ZFHX4: variants seen among roughly 807,000 people sequenced by gnomAD.
ZFHX4 encodes zinc finger homeobox 4.
ZFHX4 carries 56 observed loss-of-function variants against 267.6 expected under a neutral mutation model. The ratio of observed to expected loss-of-function variants is 0.21; its 90% CI spans 0.17 to 0.26. The LOEUF is 0.26. Among genes scored for constraint, ZFHX4 ranks in the 10% least tolerant of loss-of-function variants. ZFHX4 has a pLI of 1.00. For missense variants in ZFHX4, 4,332 were observed against 4,420.0 expected, an observed-to-expected ratio of 0.98 and a Z score of 0.56; for synonymous variants, 1,778 against 1,665.6, an observed-to-expected ratio of 1.07 and a Z score of -1.64.
intron 3 of ZFHX4, 64 bp from the exon 4 acceptor site, chr8:76,778,144 C>G (rs12679822): frequency 0.2 from 214,395 of 1,074,370 alleles, 27,413 homozygotes; most frequent in African/African-American, 0.54. Flanking sequence ...GGGTGGGTGT[C>G]ACCTGTTTTG....
At chr8:76,792,303 A>C (rs902391039) in intron 4 of ZFHX4, among the ~76,000 whole-genome samples, 2 of 152,136 alleles carry the variant, frequency 1.3e-5, no homozygotes, top group Non-Finnish European at 2.9e-5. Context: ...ATTTGTGCAA[A>C]CAAACTTTAC....
rs771069673 is a variant in ZFHX4, at chr8:76,760,928, CA to C, written c.3094-17258del. On this transcript the variant is annotated intron_variant, in intron 3 of 10. Transcript: ENST00000651372. The stretch of plus-strand genomic sequence containing the variant: ...TGGGCAACAGGGCAAGACCCTGCCT[CA>C]AAAAAAAAAAAAAAAAAAAAAGAGA... Among the ~76,000 whole-genome samples, 504 of 64,116 alleles carry C rather than the reference CA, an allele frequency of 7.9e-3. 4 individuals are homozygous for C. The highest frequency in any genetic ancestry group is 0.021 in the Middle Eastern group (2 of 96). 42.1% of individuals were successfully genotyped at this position (64,116 alleles called of 152,430 possible). A position where few individuals can be genotyped will look rare whatever the true frequency, so the allele number is the denominator to read the frequency against.
At chr8:76,848,888 T>C in intron 6 of ZFHX4, 107 bp from the exon 7 acceptor site, 1 of 1,095,806 alleles carries the variant, frequency 9.1e-7, no homozygotes, top group Non-Finnish European at 1.2e-6. Flanking sequence ...TGTCGGTTCT[T>C]TTTGTGATTC....
chr8:76,774,234 C>A (rs1219338208), intron 3 of ZFHX4, among the ~76,000 whole-genome samples: 1 of 152,056 alleles, frequency 6.6e-6, no homozygotes, highest in Non-Finnish European at 1.5e-5. Flanking sequence ...GATTGTTACT[C>A]ATGGCAGTTG....
intron 3 of ZFHX4, among the ~76,000 whole-genome samples, chr8:76,754,303 C>T (rs1425540798): frequency 2.0e-5 from 3 of 152,010 alleles, no homozygotes; most frequent in Non-Finnish European, 4.4e-5. Flanking sequence ...GCCTGGCCAA[C>T]GTGACAAAAC....
chr8:76,715,481 TAA>T (rs764567552), intron 3 of ZFHX4, among the ~76,000 whole-genome samples: 11,151 of 61,654 alleles, frequency 0.18, 741 homozygotes, highest in East Asian at 0.33. Flanking sequence ...GACTCCATCT[TAA>T]AAAAAAAAAA....
Position 76,852,243 on chromosome 8 carries a change from G to T in ZFHX4, c.5322G>T (p.Leu1774Phe). The change falls in exon 10 of 11, where the codon TTG becomes TTT. Residue 1774 changes from leucine (L) to phenylalanine (F), a missense_variant. Around this residue, in one of 7 missense-constraint regions of ZFHX4, gnomAD observed 1,371 missense variants for 1,423.1 expected, o/e 0.96. Coordinates refer to ENST00000651372, the MANE Select transcript of ZFHX4 (RefSeq NM_024721.5). Reference protein sequence around the residue: ...MPGMTGMAGSLLEDLKQQIQT... With the variant: ...MPGMTGMAGSFLEDLKQQIQT... The stretch of plus-strand genomic sequence containing the variant: ...GCATGACAGGAATGGCTGGCTCCTT[G>T]CTTGAAGACCTAAAGCAGCAGATTC... 1 of 1,608,060 alleles carries T rather than the reference G, an allele frequency of 6.2e-7. No individual in the cohort carries two copies. Among genetic ancestry groups the T allele is most frequent in the Non-Finnish European group, 8.5e-7 (1 of 1,176,644 alleles).
At chr8:76,831,426 C>A (rs1052863610) in intron 4 of ZFHX4, among the ~76,000 whole-genome samples, 10 of 152,180 alleles carry the variant, frequency 6.6e-5, no homozygotes, top group African/African-American at 2.4e-4. Flanking sequence ...GTATTATCTG[C>A]ATTTGTGTTA....
At chr8:76,781,783 AT>A in intron 4 of ZFHX4, among the ~76,000 whole-genome samples, 1 of 152,108 alleles carries the variant, frequency 6.6e-6, no homozygotes, top group East Asian at 1.9e-4. Context: ...GTAAAGAGAG[AT>A]TTGTTTGGTA....
At chr8:76,767,638 C>T (rs957160162) in intron 3 of ZFHX4, among the ~76,000 whole-genome samples, 1 of 152,106 alleles carries the variant, frequency 6.6e-6, no homozygotes, top group Non-Finnish European at 1.5e-5. Context: ...GTTGTATTAA[C>T]CACATTTTAA....
At chr8:76,735,188 T>C (rs1809126773) in intron 3 of ZFHX4, among the ~76,000 whole-genome samples, 1 of 152,118 alleles carries the variant, frequency 6.6e-6, no homozygotes, top group Non-Finnish European at 1.5e-5. Flanking sequence ...CTGTTCTTAT[T>C]GTACATAAGC....
rs543377588 is a variant in ZFHX4 at position 76,704,553 on chromosome 8, G to C, written c.465G>C (p.Gly155=). Residue 155 remains glycine, a synonymous_variant, in exon 2 of 11, where the codon GGG becomes GGC. Transcript: ENST00000651372. ...AAAGTGGGCAGAATGCACAGACTGG[G>C]GCAAATAGCAAACTCTTTTCTACAG... ...SKESGQNAQT[G]ANSKLFSTAM... is the part of the protein sequence containing the mutation. The C allele has an allele frequency of 6.2e-7, 1 of 1,613,906 alleles. No individual in the cohort carries two copies. Among genetic ancestry groups the C allele is most frequent in the East Asian group, 2.2e-5 (1 of 44,872 alleles).
chr8:76,857,657 A>G (rs2131968223), intron 10 of ZFHX4, among the ~76,000 whole-genome samples: 1 of 152,186 alleles, frequency 6.6e-6, no homozygotes, highest in South Asian at 2.1e-4. Flanking sequence ...AATGTCACCA[A>G]GAAAATGTCT....
intron 4 of ZFHX4, among the ~76,000 whole-genome samples, chr8:76,830,725 C>T (rs2131886061): frequency 6.6e-6 from 1 of 152,242 alleles, no homozygotes; most frequent in South Asian, 2.1e-4. Context: ...ACAACAGTTG[C>T]TGATTTTGAC....
At chr8:76,712,678 C>A (rs186215670) in intron 3 of ZFHX4, among the ~76,000 whole-genome samples, 136 of 152,200 alleles carry the variant, frequency 8.9e-4, no homozygotes, top group Non-Finnish European at 1.3e-3. Context: ...TTATTCTAGT[C>A]ATTTGTTTAG....
chr8:76,764,984 T>G (rs1810014779), intron 3 of ZFHX4, among the ~76,000 whole-genome samples: 1 of 152,082 alleles, frequency 6.6e-6, no homozygotes, highest in South Asian at 2.1e-4. Context: ...TCTTAAAAGG[T>G]GAGGACTAAT....
intron 9 of ZFHX4, 24 bp from the exon 10 acceptor site, chr8:76,850,862 G>A (rs1251664382): frequency 6.5e-7 from 1 of 1,532,376 alleles, no homozygotes; most frequent in South Asian, 1.3e-5. Context: ...TTGTAAGAGA[G>A]ATGTTTGTGC....
At chr8:76,749,587 A>G (rs1434904553) in intron 3 of ZFHX4, among the ~76,000 whole-genome samples, 1 of 152,168 alleles carries the variant, frequency 6.6e-6, no homozygotes, top group Non-Finnish European at 1.5e-5. Context: ...GAATGGGGTA[A>G]AACTTCCTGG....
Position 76,845,518 on chromosome 8 carries a change from A to G in ZFHX4, c.3511+2747A>G, listed in dbSNP as rs563555258. 1.8e-4 allele frequency among the ~76,000 whole-genome samples: 27 copies of G among 152,182 alleles called. No individual in the cohort carries two copies. The East Asian group carries it at 5.2e-3, about 29-fold the overall frequency. On this transcript the variant is annotated intron_variant, in intron 6 of 10. Transcript: ENST00000651372. ...TAGAAAGAATACTGTACTGGTAATT[A>G]TAATTTATAATTATTTGGAGTTGAA...
Sources: allele counts gnomAD v4.1 joint callset (sites outside exome capture counted in the v4.1 genomes callset), GRCh38; gene constraint gnomAD v4.1.1; regional missense constraint gnomAD v4.1.1; transcripts MANE v1.5; gene names NCBI Gene and HGNC (gene_info 2026-07-23, HGNC 2026-07-21).